Variants in DIP2A observed in about 807,000 individuals in gnomAD.
DIP2A encodes DIP2 acetate--CoA ligase A.
In DIP2A, 85 loss-of-function variants were observed where a neutral mutation model predicts 177.4. The observed-to-expected ratio is 0.48, with a 90% CI of 0.40 to 0.57. The LOEUF (loss-of-function observed/expected upper bound fraction) is 0.57, where lower values mean the gene tolerates loss of function less well. DIP2A is among the 20% of genes least tolerant of loss of function. The pLI, the probability that DIP2A is intolerant of heterozygous loss-of-function variation, is 0.00. For synonymous variants in DIP2A, 886 were observed against 881.8 expected, an observed-to-expected ratio of 1.00 and a Z score of -0.08; for missense variants, 1,791 against 2,100.2, an observed-to-expected ratio of 0.85 and a Z score of 2.88.
intron 7 of DIP2A, among the ~76,000 whole-genome samples, chr21:46,510,388 ACAGACACACC>A (rs1174467573): frequency 6.6e-6 from 1 of 152,112 alleles, no homozygotes; most frequent in East Asian, 1.9e-4. Context: ...CAACACCCTC[ACAGACACACC>A]CAGGAAGAAT....
At chr21:46,580,316 C>A in the DIP2A span, among the ~76,000 whole-genome samples, 1 of 152,088 alleles carries the variant, frequency 6.6e-6, no homozygotes, top group Non-Finnish European at 1.5e-5. Flanking sequence ...TCCTCCACTT[C>A]TTTATTTTGA....
At chr21:46,552,702 C>G (rs1018885292) in intron 25 of DIP2A, among the ~76,000 whole-genome samples, 1 of 152,178 alleles carries the variant, frequency 6.6e-6, no homozygotes, top group African/African-American at 2.4e-5. Context: ...TAAAAGGACC[C>G]CTACTCTCAG....
chr21:46,488,269 T>C (rs570428864), intron 2 of DIP2A, among the ~76,000 whole-genome samples: 5 of 152,336 alleles, frequency 3.3e-5, no homozygotes, highest in Admixed American at 2.6e-4. Context: ...GTTCTAAATA[T>C]GTTTTTAATT....
intron 1 of DIP2A, among the ~76,000 whole-genome samples, chr21:46,463,979 A>T (rs1445380800): frequency 1.3e-5 from 2 of 150,322 alleles, no homozygotes; most frequent in Admixed American, 1.3e-4. Context: ...AAGTGCTGGG[A>T]TTACAGGCAT....
intron 8 of DIP2A, among the ~76,000 whole-genome samples, chr21:46,519,975 C>T (rs1234534998): frequency 4.9e-5 from 7 of 144,318 alleles, no homozygotes; most frequent in East Asian, 2.1e-4. Flanking sequence ...CCAGGGTTCA[C>T]GCCATTCTCC....
intron 2 of DIP2A, among the ~76,000 whole-genome samples, chr21:46,488,416 T>A (rs1455395481): frequency 1.3e-5 from 2 of 152,220 alleles, no homozygotes; most frequent in South Asian, 4.2e-4. Context: ...TGAGAACATT[T>A]CAGAATGACT....
At chr21:46,489,079 A>ATC (rs10695329) in intron 2 of DIP2A, among the ~76,000 whole-genome samples, 22,354 of 152,132 alleles carry the variant, frequency 0.15, 1,811 homozygotes, top group Non-Finnish European at 0.17. Flanking sequence ...ATATACACAC[A>ATC]CAGACACACA....
rs137897645 is a variant in DIP2A, at chr21:46,533,383, A to G, written c.1306-141A>G. 558 of 920,898 alleles carry G rather than the reference A, an allele frequency of 6.1e-4. 2 individuals carry two copies. The African/African-American group carries it at 8.4e-3, about 14-fold the overall frequency. 57.0% of individuals were successfully genotyped at this position (920,898 alleles called of 1,614,324 possible). A position where few individuals can be genotyped will look rare whatever the true frequency, so the allele number is the denominator to read the frequency against. On this transcript the variant is annotated intron_variant, in intron 10 of 37. Coordinates refer to ENST00000417564, the MANE Select transcript of DIP2A (RefSeq NM_015151.4). The stretch of plus-strand genomic sequence containing the variant: ...TTCCGTGAAAAGATCATATATATCA[A>G]TAATGGGACTGAATTATTCTGGAAG...
rs1601527739 is a variant in DIP2A, at chr21:46,498,957, T to G, written c.655+124T>G. 7.6e-7 allele frequency: 1 copy of G among 1,315,700 alleles called. No individual in the cohort carries two copies. The highest frequency in any genetic ancestry group is 1.0e-6 in the Non-Finnish European group (1 of 988,180). 81.5% of individuals were successfully genotyped at this position (1,315,700 alleles called of 1,614,324 possible). ...CTGCAGACTTAGCTGCAGGCCTGAGTGCTCTCCAAGTGACTGAGGTCACAC... is the reference window on the plus strand; with the variant it reads ...CTGCAGACTTAGCTGCAGGCCTGAGGGCTCTCCAAGTGACTGAGGTCACAC... On this transcript the variant is annotated intron_variant, in intron 5 of 37. Transcript: ENST00000417564. This position sits in a 1 kb window ranked among gnomAD's most constrained non-coding sequence, Gnocchi z 4.3.
intron 1 of DIP2A, among the ~76,000 whole-genome samples, chr21:46,459,735 C>G (rs892475465): frequency 6.6e-6 from 1 of 151,798 alleles, no homozygotes; most frequent in Admixed American, 6.6e-5. Context: ...ACTCCTCCCC[C>G]CAGGCCCTTC....
intron 1 of DIP2A, among the ~76,000 whole-genome samples, chr21:46,463,442 C>T (rs948988323): frequency 6.6e-6 from 1 of 152,128 alleles, no homozygotes; most frequent in African/African-American, 2.4e-5. Context: ...AGAGGAAATT[C>T]CTACACAATA....
chr21:46,499,363 C>G (rs1354554300), intron 5 of DIP2A, among the ~76,000 whole-genome samples: 1 of 152,156 alleles, frequency 6.6e-6, no homozygotes, highest in African/African-American at 2.4e-5. Flanking sequence ...ATGGTCAGCA[C>G]ACATCCATAC....
At position 46,565,814 on chromosome 21, in the gene DIP2A, C is replaced by T. The variant is rs766251486; in HGVS notation, c.4266C>T (p.Asp1422=). 2 of 1,613,898 alleles carry T rather than the reference C, an allele frequency of 1.2e-6. No homozygotes were observed. The highest frequency in any genetic ancestry group is 1.7e-6 in the Non-Finnish European group (2 of 1,179,910). The part of the protein sequence containing the change: ...DHFSARLSFG[D]TQTIWARTGY... ...TCAGTGCCCGGCTGAGTTTTGGAGA[C>T]ACACAGACCATCTGGGCAAGGACCG... The change falls in exon 36 of 38, where the codon GAC becomes GAT. Residue 1422 remains aspartate (D), a synonymous_variant. Coordinates refer to ENST00000417564, the MANE Select transcript of DIP2A (RefSeq NM_015151.4).
intron 1 of DIP2A, among the ~76,000 whole-genome samples, chr21:46,475,482 A>T (rs1190021106): frequency 2.6e-5 from 4 of 152,254 alleles, no homozygotes; most frequent in African/African-American, 9.6e-5. Flanking sequence ...AATATGGCAG[A>T]CATTCATATT....
Position 46,556,950 on chromosome 21 carries a change from G to A in DIP2A, c.3510G>A (p.Ala1170=), listed in dbSNP as rs372647396. ...ATTTTACTCTTAAGATGTCGCACGC[G>A]GCCACAAGCGCCTTATGCCGCTCCA... is the stretch of plus-strand genomic sequence containing the variant. ...GILAGVKMSH[A]ATSALCRSIK... is the part of the protein sequence containing the mutation. Residue 1170 remains alanine (A), a synonymous_variant, in exon 30 of 38, where the codon GCG becomes GCA. Transcript: ENST00000417564. This position sits in a 1 kb window ranked among gnomAD's most constrained non-coding sequence, Gnocchi z 4.5. The A allele has an allele frequency of 7.0e-5, 110 of 1,567,614 alleles. No individual in the cohort carries two copies. Among genetic ancestry groups the A allele is most frequent in the Non-Finnish European group, 8.5e-5 (98 of 1,154,466 alleles).
In DIP2A at chr21:46,510,693, C is replaced by T. The variant is rs142072343; in HGVS notation, c.905-724C>T. Reference sequence around the variant, plus strand: ...TCGCCCAGGCTGGAGTGCAGTGGTGCGATCTCGAATCACTTCAAGCTCCAC... The same window carrying T: ...TCGCCCAGGCTGGAGTGCAGTGGTGTGATCTCGAATCACTTCAAGCTCCAC... On this transcript the variant is annotated intron_variant, in intron 7 of 37. Transcript: ENST00000417564. 3.1e-3 allele frequency among the ~76,000 whole-genome samples: 436 copies of T among 142,708 alleles called. 8 individuals carry two copies. The highest frequency in any genetic ancestry group is 6.3e-3 in the African/African-American group (244 of 38,498). 93.6% of individuals were successfully genotyped at this position (142,708 alleles called of 152,430 possible). A position where few individuals can be genotyped will look rare whatever the true frequency, so the allele number is the denominator to read the frequency against.
intron 32 of DIP2A, chr21:46,558,598 G>A: frequency 1.7e-6 from 1 of 604,534 alleles, no homozygotes; most frequent in Non-Finnish European, 2.9e-6. Flanking sequence ...AGGCTTATTT[G>A]GAAAAAAAAC....
intron 1 of DIP2A, among the ~76,000 whole-genome samples, chr21:46,483,122 G>A (rs2056459057): frequency 6.6e-6 from 1 of 152,096 alleles, no homozygotes; most frequent in African/African-American, 2.4e-5. Flanking sequence ...TGAATCAGGT[G>A]TGCTCATTGC....
At position 46,533,635 on chromosome 21, in the gene DIP2A, G is replaced by C; in HGVS notation, c.1417G>C (p.Ala473Pro). 1 of 1,614,000 alleles carries C rather than the reference G, an allele frequency of 6.2e-7. No individual in the cohort carries two copies. Among genetic ancestry groups the C allele is most frequent in the Non-Finnish European group, 8.5e-7 (1 of 1,179,884 alleles). ...CCCCAAGGCACAGACAGGAGAGGTG[G>C]CAGCTTTCAAAGGTGAGGCCTCCCA... ...GLPKAQTGEVAAFKGWPPLSW... is the reference protein window; with the variant it reads ...GLPKAQTGEVPAFKGWPPLSW... Residue 473 changes from alanine (A) to proline (P), a missense_variant, in exon 11 of 38, where the codon GCA becomes CCA. Physicochemically the swap from Ala to Pro is conservative, Grantham distance 27. Coordinates refer to ENST00000417564, the MANE Select transcript of DIP2A (RefSeq NM_015151.4).
Sources: gnomAD v4.1 joint callset for allele counts (sites outside exome capture counted in the v4.1 genomes callset) on GRCh38, gnomAD v4.1.1 for gene constraint, Gnocchi (gnomAD v3.1) non-coding constraint, MANE v1.5 for transcripts, NCBI Gene and HGNC (gene_info 2026-07-23, HGNC 2026-07-21) for gene names.